The following MYZAP variants were observed in gnomAD, a reference collection of about 807,000 sequenced individuals.
MYZAP encodes the protein GRINL1A complex locus upstream.
MYZAP carries 66 observed loss-of-function variants against 69.4 expected under a neutral mutation model. The ratio of observed to expected loss-of-function variants is 0.95; its 90% CI spans 0.78 to 1.17. MYZAP has a LOEUF of 1.17. Among genes scored for constraint, MYZAP ranks in the 50% most tolerant of loss-of-function variants. The pLI is 0.00. For missense variants in MYZAP, 611 were observed against 556.2 expected (o/e 1.10, Z -0.99); for synonymous variants, 256 against 205.9 (o/e 1.24, Z -2.09).
Position 57,652,267 on chromosome 15 carries a change from C to T in MYZAP, c.1120-9183C>T, listed in dbSNP as rs73424731. ...TGGCCTTAATTCATTTCCTTTACTC[C>T]CCCCCAAATGAGATAATGTACCATT... On this transcript the variant is annotated intron_variant, in intron 10 of 12. Transcript: ENST00000267853. Among the ~76,000 whole-genome samples the T allele has an allele frequency of 2.1e-3, 318 of 152,114 alleles. 1 individual carries two copies. The highest frequency in any genetic ancestry group is 7.4e-3 in the African/African-American group (307 of 41,488).
chr15:57,594,858 C>G (rs776612683), intron 1 of MYZAP, among the ~76,000 whole-genome samples: 7 of 152,156 alleles, frequency 4.6e-5, no homozygotes, highest in Non-Finnish European at 1.0e-4. Context: ...TGGAAGTGTA[C>G]CTTTCATTGA....
intron 8 of MYZAP, 55 bp downstream of exon 8, chr15:57,633,796 C>T (rs2036652548): frequency 1.4e-6 from 2 of 1,425,270 alleles, no homozygotes; most frequent in African/African-American, 2.9e-5. Flanking sequence ...CCCTGTAGGT[C>T]CATCTGAGAT....
chr15:57,638,053 G>C (rs1325733549), intron 9 of MYZAP, among the ~76,000 whole-genome samples: 11 of 152,140 alleles, frequency 7.2e-5, no homozygotes, highest in African/African-American at 2.7e-4. Flanking sequence ...CCATGGCCTT[G>C]AACTCCACAG....
intron 10 of MYZAP, among the ~76,000 whole-genome samples, chr15:57,656,175 G>A (rs1401355323): frequency 1.3e-5 from 2 of 152,150 alleles, no homozygotes; most frequent in African/African-American, 2.4e-5. Context: ...GTTGCTCTGG[G>A]GACATGTGTT....
chr15:57,593,188 G>GCATGCGCGCGCGCGCGCGCGCA, intron 1 of MYZAP, among the ~76,000 whole-genome samples: 2 of 114,148 alleles, frequency 1.8e-5, no homozygotes, highest in African/African-American at 6.7e-5. Flanking sequence ...GTACACAGGC[G>GCATGCGCGCGCGCGCGCGCGCA]CACACACACA....
chr15:57,679,377 TCTCTCTC>T (rs2039316568), intron 12 of MYZAP, among the ~76,000 whole-genome samples: 1 of 113,402 alleles, frequency 8.8e-6, no homozygotes, highest in African/African-American at 3.4e-5. Context: ...TGTGTGTGTT[TCTCTCTC>T]TCTCTCTCTC....
intron 1 of MYZAP, among the ~76,000 whole-genome samples, chr15:57,602,962 A>G (rs1242639444): frequency 1.3e-5 from 2 of 152,224 alleles, no homozygotes; most frequent in African/African-American, 4.8e-5. Flanking sequence ...TTGAGTAGGA[A>G]AATGACTTTG....
chr15:57,616,936 C>T (rs2035503348), intron 2 of MYZAP, among the ~76,000 whole-genome samples: 2 of 135,432 alleles, frequency 1.5e-5, no homozygotes, highest in South Asian at 5.0e-4. Context: ...GGTTTCTGTG[C>T]TGTGGGATTG....
chr15:57,596,148 C>G (rs1355963902), intron 1 of MYZAP, among the ~76,000 whole-genome samples: 2 of 152,158 alleles, frequency 1.3e-5, no homozygotes, highest in Non-Finnish European at 2.9e-5. Flanking sequence ...TTATGGAGAT[C>G]CCATGGCTTT....
chr15:57,631,727 A>C (rs2036517765), intron 6 of MYZAP, among the ~76,000 whole-genome samples: 1 of 152,232 alleles, frequency 6.6e-6, no homozygotes, highest in African/African-American at 2.4e-5. Context: ...TGGAAATAAC[A>C]TCATGTAACC....
chr15:57,629,692 A>C lies in MYZAP; in HGVS notation c.526-10A>C. ...CGGATCTGGTTTTGTTTTTATTTTC[A>C]TCCTCACAGAAAACCCTCGTGGATG... On this transcript the variant is annotated splice_polypyrimidine_tract_variant and intron_variant, in intron 5 of 12. Coordinates refer to ENST00000267853, the MANE Select transcript of MYZAP (RefSeq NM_001018100.5). 1 of 1,604,326 alleles carries C rather than the reference A, an allele frequency of 6.2e-7. No homozygotes were observed. The highest frequency in any genetic ancestry group is 8.5e-7 in the Non-Finnish European group (1 of 1,177,034).
chr15:57,672,316 G>A (rs2038904405), intron 11 of MYZAP, among the ~76,000 whole-genome samples: 1 of 151,932 alleles, frequency 6.6e-6, no homozygotes, highest in African/African-American at 2.4e-5. Flanking sequence ...CTGCTCTCAG[G>A]GCAAATCTGC....
intron 10 of MYZAP, among the ~76,000 whole-genome samples, chr15:57,654,032 A>T (rs1371857980): frequency 5.6e-5 from 1 of 17,778 alleles, no homozygotes; most frequent in African/African-American, 1.0e-4. Context: ...AAAAAAAAAA[A>T]GTCCCTATTT....
At chr15:57,660,559 C>A (rs1284112206) in intron 10 of MYZAP, among the ~76,000 whole-genome samples, 1 of 152,206 alleles carries the variant, frequency 6.6e-6, no homozygotes, top group Non-Finnish European at 1.5e-5. Context: ...AAGCAATCCT[C>A]CTCCCTTGGC....
chr15:57,595,361 TTGAC>T (rs1218940340), intron 1 of MYZAP, among the ~76,000 whole-genome samples: 1 of 152,130 alleles, frequency 6.6e-6, no homozygotes, highest in African/African-American at 2.4e-5. Context: ...GGAAGACAAA[TTGAC>T]TGGAGAATAA....
At chr15:57,618,656 A>G (rs1353083927) in intron 3 of MYZAP, among the ~76,000 whole-genome samples, 12 of 152,344 alleles carry the variant, frequency 7.9e-5, no homozygotes, top group African/African-American at 2.2e-4. Context: ...TTTATTTCCT[A>G]TCTTTTAAGT....
chr15:57,679,785 A>G (rs1421183129), intron 12 of MYZAP, among the ~76,000 whole-genome samples: 1 of 152,166 alleles, frequency 6.6e-6, no homozygotes, highest in Non-Finnish European at 1.5e-5. Flanking sequence ...TGGCTGAGCC[A>G]CAGAAGTGTG....
At chr15:57,614,914 G>C (rs1464550042) in intron 2 of MYZAP, among the ~76,000 whole-genome samples, 1 of 152,046 alleles carries the variant, frequency 6.6e-6, no homozygotes, top group Non-Finnish European at 1.5e-5. Context: ...TATATTATAT[G>C]TAATAAAATC....
chr15:57,639,972 T>A lies in MYZAP; in HGVS notation c.1119+427T>A, dbSNP rs377230079. On this transcript the variant is annotated intron_variant, in intron 10 of 12. Coordinates refer to ENST00000267853, the MANE Select transcript of MYZAP (RefSeq NM_001018100.5). ...TTCTTGTCCTTTATCGTTTTCTGGG[T>A]GTGTCTTTCATTCCCTTTCCTTGTC... 5.9e-5 allele frequency among the ~76,000 whole-genome samples: 9 copies of A among 152,164 alleles called. No individual in the cohort carries two copies. The East Asian group carries it at 1.3e-3, about 23-fold the overall frequency.
Sources: allele counts gnomAD v4.1 joint callset (sites outside exome capture counted in the v4.1 genomes callset), GRCh38; gene constraint gnomAD v4.1.1; transcripts MANE v1.5; gene names NCBI Gene and HGNC (gene_info 2026-07-23, HGNC 2026-07-21).